FAM83B: variants seen among roughly 807,000 people sequenced by gnomAD.
FAM83B encodes the protein scaffolding CK1 anchoring protein B.
In FAM83B, 26 loss-of-function variants were observed where a neutral mutation model predicts 38.8. The ratio of observed to expected loss-of-function variants is 0.67; its 90% CI spans 0.49 to 0.93. The LOEUF (loss-of-function observed/expected upper bound fraction) is 0.93. Among genes scored for constraint, FAM83B ranks in the 40% least tolerant of loss-of-function variants. The probability of loss-of-function intolerance (pLI) is 0.00; values close to 1 mark genes in which losing one functional copy is unlikely to be tolerated. For synonymous variants in FAM83B, 419 were observed against 423.1 expected (o/e 0.99, Z 0.12); for missense variants, 1,237 against 1,197.3 (o/e 1.03, Z -0.49).
chr6:54,846,236 C>T (rs1771129579), upstream of FAM83B, among the ~76,000 whole-genome samples: 1 of 152,196 alleles, frequency 6.6e-6, no homozygotes, highest in South Asian at 2.1e-4. Context: ...CTGCGGGATG[C>T]CCACTGGAAT....
rs371661651 is a variant in FAM83B at position 54,870,682 on chromosome 6, G to A, written c.436G>A (p.Ala146Thr). 2.4e-5 allele frequency: 38 copies of A among 1,585,832 alleles called. No homozygotes were observed. Among genetic ancestry groups the A allele is most frequent in the Non-Finnish European group, 3.2e-5 (37 of 1,168,400 alleles). Reference sequence around the variant, plus strand: ...AACTATTCGGAAGATGATAAAAGAAGCAAGAAAGGTAATAACATTTCTATT... The same window carrying A: ...AACTATTCGGAAGATGATAAAAGAAACAAGAAAGGTAATAACATTTCTATT... The part of the protein sequence containing the change: ...KETIRKMIKE[A>T]RKVIALVMDI... Residue 146 changes from alanine to threonine, a missense_variant, in exon 2 of 5, where the codon GCA (alanine) becomes ACA (threonine). Coordinates refer to ENST00000306858, the MANE Select transcript of FAM83B (RefSeq NM_001010872.3).
At chr6:54,862,099 C>T (rs948833481) in intron 1 of FAM83B, among the ~76,000 whole-genome samples, 8 of 152,100 alleles carry the variant, frequency 5.3e-5, no homozygotes, top group Admixed American at 3.9e-4. Flanking sequence ...GGTTTGTTTT[C>T]GTATTCCAGC....
intron 1 of FAM83B, 90 bp downstream of exon 1, chr6:54,846,916 C>G (rs12664732): frequency 0.43 from 64,937 of 151,304 alleles, 14,455 homozygotes; most frequent in African/African-American, 0.5. Flanking sequence ...ACTGGGGGGG[C>G]CCGGGGCTTC....
At chr6:54,933,047 C>T (rs1024116821) in intron 4 of FAM83B, among the ~76,000 whole-genome samples, 6 of 152,054 alleles carry the variant, frequency 3.9e-5, no homozygotes, top group African/African-American at 1.4e-4. Context: ...TTATCTGCTT[C>T]TTTGCCTCTC....
chr6:54,899,717 C>T (rs921745548), intron 2 of FAM83B, among the ~76,000 whole-genome samples: 2 of 152,156 alleles, frequency 1.3e-5, no homozygotes, highest in Admixed American at 6.5e-5. Flanking sequence ...TGAGGCCTCC[C>T]ACAGGCTCCA....
At chr6:54,859,625 T>C (rs1054444318) in intron 1 of FAM83B, among the ~76,000 whole-genome samples, 2 of 152,202 alleles carry the variant, frequency 1.3e-5, no homozygotes, top group African/African-American at 4.8e-5. Flanking sequence ...CTGTGGGAGC[T>C]CCTTTCAGTG....
chr6:54,875,517 T>C (rs1052869830), intron 2 of FAM83B, among the ~76,000 whole-genome samples: 1 of 152,246 alleles, frequency 6.6e-6, no homozygotes, highest in Admixed American at 6.5e-5. Flanking sequence ...TCAAATTTAA[T>C]GACATTACTA....
intron 2 of FAM83B, among the ~76,000 whole-genome samples, chr6:54,923,999 G>A (rs1773228071): frequency 6.6e-6 from 1 of 151,330 alleles, no homozygotes; most frequent in African/African-American, 2.4e-5. Flanking sequence ...CTTTACTGTA[G>A]CATTTCATTA....
rs185350152 is a variant in FAM83B, at chr6:54,868,582, C to G, written c.-60-1605C>G. ...CTAGCAGACAAGATGGGTGTTCTTCCTTTTTCTCTTGGAGAAGAGAATATT... is the reference window on the plus strand; with the variant it reads ...CTAGCAGACAAGATGGGTGTTCTTCGTTTTTCTCTTGGAGAAGAGAATATT... On this transcript the variant is annotated intron_variant, in intron 1 of 4. Coordinates refer to ENST00000306858, the MANE Select transcript of FAM83B (RefSeq NM_001010872.3). Among the ~76,000 whole-genome samples the G allele has an allele frequency of 2.6e-3, 392 of 152,198 alleles. 1 individual carries two copies. Among genetic ancestry groups the G allele is most frequent in the African/African-American group, 9.0e-3 (372 of 41,542 alleles).
rs564258722 is a variant in FAM83B at position 54,870,746 on chromosome 6, G to C, written c.444+56G>C. ...TTTGAAACATGTAGAAAAGTAGAGA[G>C]AGTAATAACACAAATATGTATGTTA... On this transcript the variant is annotated intron_variant, in intron 2 of 4. Coordinates refer to ENST00000306858, the MANE Select transcript of FAM83B (RefSeq NM_001010872.3). The C allele has an allele frequency of 5.6e-6, 8 of 1,438,678 alleles. No homozygotes were observed. In the East Asian group the frequency reaches 1.2e-4, roughly 21 times the overall value. 89.1% of individuals were successfully genotyped at this position (1,438,678 alleles called of 1,614,324 possible).
intron 2 of FAM83B, among the ~76,000 whole-genome samples, chr6:54,922,489 T>G (rs564465858): frequency 7.0e-4 from 106 of 152,112 alleles, no homozygotes; most frequent in Non-Finnish European, 1.2e-3. Flanking sequence ...TTAATAATTT[T>G]GGGTATGATT....
chr6:54,916,675 T>C (rs1266509303), intron 2 of FAM83B, among the ~76,000 whole-genome samples: 1 of 152,136 alleles, frequency 6.6e-6, no homozygotes, highest in African/African-American at 2.4e-5. Flanking sequence ...TCAGATGCCA[T>C]TACCAAACCA....
intron 4 of FAM83B, among the ~76,000 whole-genome samples, chr6:54,931,333 G>A (rs1476911442): frequency 6.6e-6 from 1 of 152,086 alleles, no homozygotes; most frequent in African/African-American, 2.4e-5. Context: ...AGTTGTCTGT[G>A]TTCCTTTTGA....
chr6:54,931,155 A>G (rs944999484), intron 4 of FAM83B, among the ~76,000 whole-genome samples: 1 of 152,180 alleles, frequency 6.6e-6, no homozygotes, highest in Non-Finnish European at 1.5e-5. Context: ...TGTTGCAAGT[A>G]AGATACTTTG....
intron 3 of FAM83B, among the ~76,000 whole-genome samples, 156 bp downstream of exon 3, chr6:54,926,691 G>C (rs1213947501): frequency 1.3e-5 from 2 of 152,028 alleles, no homozygotes; most frequent in Non-Finnish European, 2.9e-5. Flanking sequence ...AAGGTCCCCT[G>C]TACTTTTTAG....
chr6:54,871,541 A>G (rs919107630), intron 2 of FAM83B, among the ~76,000 whole-genome samples: 3 of 142,754 alleles, frequency 2.1e-5, no homozygotes, highest in Admixed American at 7.4e-5. Context: ...CAACATAGCA[A>G]AACCTCGTCT....
Position 54,941,600 on chromosome 6 carries a change from T to C in FAM83B, c.2629T>C (p.Phe877Leu). 1 of 1,614,122 alleles carries C rather than the reference T, an allele frequency of 6.2e-7. No individual in the cohort carries two copies. Among genetic ancestry groups the C allele is most frequent in the Non-Finnish European group, 8.5e-7 (1 of 1,180,020 alleles). ...TTCTCCAGGTCCAGTTGAAAGCAAG[T>C]TCTTGGAAAGGGCAGGAGATGCCTC... ...TPSPGPVESK[F>L]LERAGDASAP... The change falls in exon 5 of 5, where the codon TTC becomes CTC. Residue 877 changes from phenylalanine to leucine, a missense_variant. Phe to Leu is a conservative substitution (Grantham distance 22). Coordinates refer to ENST00000306858, the MANE Select transcript of FAM83B (RefSeq NM_001010872.3).
intron 2 of FAM83B, among the ~76,000 whole-genome samples, chr6:54,915,727 ACCCG>A (rs1444045927): frequency 8.1e-6 from 1 of 122,782 alleles, no homozygotes; most frequent in Admixed American, 7.8e-5. Context: ...AATGGCGTGA[ACCCG>A]GGAAGCGGAG....
At chr6:54,935,813 G>A (rs916953057) in intron 4 of FAM83B, among the ~76,000 whole-genome samples, 1 of 152,112 alleles carries the variant, frequency 6.6e-6, no homozygotes, top group African/African-American at 2.4e-5. Flanking sequence ...TGCAAGCAGA[G>A]TCAACAGGAC....
Sources: gnomAD v4.1 joint callset for allele counts (sites outside exome capture counted in the v4.1 genomes callset) on GRCh38, gnomAD v4.1.1 for gene constraint, MANE v1.5 for transcripts, NCBI Gene and HGNC (gene_info 2026-07-23, HGNC 2026-07-21) for gene names.